CIC: variants seen among roughly 807,000 people sequenced by gnomAD.
The protein encoded by CIC is capicua transcriptional repressor.
A neutral mutation model predicts 115.7 loss-of-function variants in CIC; 18 were observed. The ratio of observed to expected loss-of-function variants is 0.16; its 90% CI spans 0.11 to 0.23. The LOEUF (loss-of-function observed/expected upper bound fraction) is 0.23, where lower values mean the gene tolerates loss of function less well. Ranked by LOEUF, CIC falls within the 10% of genes least tolerant of loss-of-function variation. CIC has a pLI of 1.00. For synonymous variants in CIC, 1,076 were observed against 923.0 expected, an observed-to-expected ratio of 1.17 and a Z score of -3.01; for missense variants, 2,000 against 2,159.3, an observed-to-expected ratio of 0.93 and a Z score of 1.46.
At chr19:42,275,642 T>C (rs2036946211) in intron 2 of CIC, among the ~76,000 whole-genome samples, 1 of 152,160 alleles carries the variant, frequency 6.6e-6, no homozygotes, top group African/African-American at 2.4e-5. Flanking sequence ...CGGAAGCTCC[T>C]TCCTAGCATT....
chr19:42,283,782 T>C (rs2147118803), intron 2 of CIC, among the ~76,000 whole-genome samples: 1 of 151,910 alleles, frequency 6.6e-6, no homozygotes, highest in East Asian at 1.9e-4. Flanking sequence ...CTCGGTGCCT[T>C]TACTGCAGTG....
Position 42,289,171 on chromosome 19 carries a change from T to A in CIC, c.3862-10T>A. 1.2e-6 allele frequency: 2 copies of A among 1,613,300 alleles called. No homozygotes were observed. The highest frequency in any genetic ancestry group is 2.2e-5 in the South Asian group (2 of 91,084). ...GCCCCGCTGAACCCTCTCTGCCACC[T>A]ATCCTGCAGATGGTGTCTGGCCCTG... is the stretch of plus-strand genomic sequence containing the variant. On this transcript the variant is annotated splice_polypyrimidine_tract_variant and intron_variant, in intron 8 of 20. Coordinates refer to ENST00000681038, the MANE Select transcript of CIC (RefSeq NM_001386298.1).
In CIC at chr19:42,287,517, G is replaced by C. The variant is rs750667375; in HGVS notation, c.3310-28G>C. The C allele has an allele frequency of 1.2e-6, 2 of 1,612,432 alleles. No homozygotes were observed. The highest frequency in any genetic ancestry group is 1.1e-5 in the South Asian group (1 of 91,086). On this transcript the variant is annotated intron_variant, in intron 5 of 20. Coordinates refer to ENST00000681038, the MANE Select transcript of CIC (RefSeq NM_001386298.1). This position sits in a 1 kb window ranked among gnomAD's most constrained non-coding sequence, Gnocchi z 8.7. ...CACACCTGTCTGCCAGGTCCTAACT[G>C]TCCCGCTCTGGGCTGTGTTTAATGC...
chr19:42,284,723 C>T (rs1305311471), intron 2 of CIC: 1 of 1,554,810 alleles, frequency 6.4e-7, no homozygotes. Flanking sequence ...GGCCCACAGG[C>T]CCCTGATGCC....
At chr19:42,289,464 G>A (rs2037913144) in intron 9 of CIC, 58 bp downstream of exon 9, 1 of 1,532,228 alleles carries the variant, frequency 6.5e-7, no homozygotes, top group Non-Finnish European at 8.8e-7. Context: ...GGCTCAGAGG[G>A]TGGGCAGAAC....
chr19:42,269,714 T>G (rs2036697174), intron 1 of CIC, among the ~76,000 whole-genome samples: 1 of 121,026 alleles, frequency 8.3e-6, no homozygotes, highest in Non-Finnish European at 1.6e-5. Context: ...GACAGGACAG[T>G]GACTGGGAGG....
At chr19:42,291,826 T>C (rs1397373550) in intron 12 of CIC, 81 bp downstream of exon 12, 7 of 1,540,494 alleles carry the variant, frequency 4.5e-6, no homozygotes, top group Non-Finnish European at 6.3e-6. Context: ...TTCAGTCTTT[T>C]CTCCTTCTCC....
Position 42,273,528 on chromosome 19 carries a change from G to A in CIC, c.1745G>A (p.Arg582His), listed in dbSNP as rs1265209434. The change falls in exon 2 of 21, where the codon CGC (arginine) becomes CAC (histidine). Residue 582 changes from arginine (R) to histidine (H), a missense_variant. Physicochemically the swap from Arg to His is conservative, Grantham distance 29 (BLOSUM62 0). Around this residue, in one of 8 missense-constraint regions of CIC, gnomAD observed 222 missense variants for 247.7 expected, o/e 0.90. Coordinates refer to ENST00000681038, the MANE Select transcript of CIC (RefSeq NM_001386298.1). ...GCGGCTCGTGGAGACTCACGGCCAC[G>A]CCTGGTGGCCCCTGCTGACTTGTCA... ...SVAARGDSRP[R>H]LVAPADLSRF... 1.5e-5 allele frequency: 6 copies of A among 398,372 alleles called. No homozygotes were observed. The highest frequency in any genetic ancestry group is 6.2e-5 in the African/African-American group (3 of 48,592). The allele number at this position is 398,372 out of a possible 1,614,324, so 24.7% of individuals were successfully genotyped here.
chr19:42,274,802 CAA>C lies in CIC; in HGVS notation c.2794+226_2794+227del, dbSNP rs1337164670. On this transcript the variant is annotated intron_variant, in intron 2 of 20. Coordinates refer to ENST00000681038, the MANE Select transcript of CIC (RefSeq NM_001386298.1). ...GGCCTCCTGTCAGAGAACGTGGTCT[CAA>C]GAGGTCTATCAGTCAGCAAACCTTT... Among the ~76,000 whole-genome samples the C allele has an allele frequency of 2.0e-5, 3 of 152,186 alleles. No homozygotes were observed. In the East Asian group the frequency reaches 5.8e-4, roughly 29 times the overall value.
chr19:42,286,318 A>G (rs2037636604), intron 2 of CIC, among the ~76,000 whole-genome samples: 1 of 152,036 alleles, frequency 6.6e-6, no homozygotes, highest in Non-Finnish European at 1.5e-5. Flanking sequence ...AGGAAAGGGA[A>G]AGAGAGCATG....
Position 42,289,862 on chromosome 19 carries a change from G to A in CIC, c.4102G>A (p.Gly1368Ser), listed in dbSNP as rs141764284. ...CACTCCCTCAGCTGACGATGGCTTC[G>A]GCACCACTGACATTGATCTCAAGTG... ...DDDVIADDGF[G>S]TTDIDLKCKE... The change falls in exon 10 of 21, where the codon GGC becomes AGC. Residue 1368 changes from glycine to serine, a missense_variant. Physicochemically the swap from Gly to Ser is moderately conservative, Grantham distance 56. Coordinates refer to ENST00000681038, the MANE Select transcript of CIC (RefSeq NM_001386298.1). The A allele has an allele frequency of 7.6e-4, 1,223 of 1,604,516 alleles. 4 individuals carry two copies. In the African/African-American group the frequency reaches 0.012, roughly 16 times the overall value.
chr19:42,289,470 A>G (rs1170163025), intron 9 of CIC, 64 bp downstream of exon 9: 11 of 1,516,544 alleles, frequency 7.3e-6, no homozygotes, highest in Non-Finnish European at 9.9e-6. Context: ...GAGGGTGGGC[A>G]GAACTTGGAT....
Position 42,288,864 on chromosome 19 carries a change from ATAGC to A in CIC, c.3659-23_3659-20del, listed in dbSNP as rs1307621615. 18 of 1,610,118 alleles carry A rather than the reference ATAGC, an allele frequency of 1.1e-5. No homozygotes were observed. The highest frequency in any genetic ancestry group is 1.5e-5 in the Non-Finnish European group (18 of 1,176,928). ...GCTGGTGACAGGCTTACTGACTGTC[ATAGC>A]GCCACTCTCTACTTTACAGTGTCCT... On this transcript the variant is annotated intron_variant, in intron 7 of 20. Coordinates refer to ENST00000681038, the MANE Select transcript of CIC (RefSeq NM_001386298.1).
At position 42,270,141 on chromosome 19, in the gene CIC, A is replaced by G. The variant is rs752938860; in HGVS notation, c.-11+760A>G. On this transcript the variant is annotated intron_variant, in intron 1 of 20. Transcript: ENST00000681038. The surrounding 1 kb of genome is among the most constrained non-coding windows in gnomAD (Gnocchi z 4.1). ...TTTGTGCTTGGAAAAAACTGGAGCC[A>G]GATCTCAGTCCCCAACATGGTAGTC... Among the ~76,000 whole-genome samples, 1 of 152,218 alleles carries G rather than the reference A, an allele frequency of 6.6e-6. No individual in the cohort carries two copies. Among genetic ancestry groups the G allele is most frequent in the Non-Finnish European group, 1.5e-5 (1 of 68,028 alleles).
chr19:42,292,110 G>C lies in CIC; in HGVS notation c.5638G>C (p.Val1880Leu), dbSNP rs2038165538. The C allele has an allele frequency of 6.2e-7, 1 of 1,613,958 alleles. No homozygotes were observed. Among genetic ancestry groups the C allele is most frequent in the African/African-American group, 1.3e-5 (1 of 75,050 alleles). ...GATCATCCAGCTGACCCCGGTGCCTGTGAGCACACCCAGCGGCCTGGTGCC... is the reference window on the plus strand; with the variant it reads ...GATCATCCAGCTGACCCCGGTGCCTCTGAGCACACCCAGCGGCCTGGTGCC... ...SKIIQLTPVP[V>L]STPSGLVPPL... The change falls in exon 13 of 21, where the codon GTG becomes CTG. Residue 1880 changes from valine (V) to leucine (L), a missense_variant. Val to Leu is a conservative substitution (Grantham distance 32). Transcript: ENST00000681038.
At chr19:42,268,709 C>G (rs563340068), upstream of CIC, 3 of 152,256 alleles carry the variant, frequency 2.0e-5, no homozygotes, top group Non-Finnish European at 4.4e-5. Flanking sequence ...AGCACTCTGT[C>G]ACATGGGAGT....
intron 2 of CIC, among the ~76,000 whole-genome samples, chr19:42,286,406 C>T (rs772335496): frequency 1.3e-5 from 2 of 151,694 alleles, no homozygotes; most frequent in Non-Finnish European, 2.9e-5. Context: ...GGTCCCAGCC[C>T]GTAGAGGTCT....
chr19:42,279,797 G>A (rs2037138583), intron 2 of CIC, among the ~76,000 whole-genome samples: 1 of 152,210 alleles, frequency 6.6e-6, no homozygotes, highest in Admixed American at 6.5e-5. Context: ...GCAGGAGTTG[G>A]GAAGAAGATG....
rs546461527 is a variant in CIC at position 42,292,199 on chromosome 19, C to T, written c.5727C>T (p.Ser1909=). 113 of 1,614,058 alleles carry T rather than the reference C, an allele frequency of 7.0e-5. 1 individual carries two copies. Among genetic ancestry groups the T allele is most frequent in the Admixed American group, 1.3e-4 (8 of 60,030 alleles). Residue 1909 remains serine (S), a synonymous_variant, in exon 13 of 21, where the codon TCC becomes TCT. Transcript: ENST00000681038. The part of the protein sequence containing the change: ...TSQPQKVLLP[S]STRITYVQSA... Reference sequence around the variant, plus strand: ...AGCCTCAGAAGGTCCTGTTGCCCTCCTCCACCAGGTAATTGCAGCTGAGCC... The same window carrying T: ...AGCCTCAGAAGGTCCTGTTGCCCTCTTCCACCAGGTAATTGCAGCTGAGCC...
Sources: gnomAD v4.1 joint callset for allele counts (sites outside exome capture counted in the v4.1 genomes callset) on GRCh38, gnomAD v4.1.1 for gene constraint, gnomAD v4.1.1 regional missense constraint, Gnocchi (gnomAD v3.1) non-coding constraint, MANE v1.5 for transcripts, NCBI Gene and HGNC (gene_info 2026-07-23, HGNC 2026-07-21) for gene names.